The following TEX55 variants were observed in gnomAD, a reference collection of about 807,000 sequenced individuals.
The protein encoded by TEX55 is testis-specific expressed protein 55.
In TEX55, 31 loss-of-function variants were observed where a neutral mutation model predicts 44.6. That is an observed-to-expected ratio of 0.69 (90% CI 0.52 to 0.94). TEX55 has a LOEUF of 0.94. Among genes scored for constraint, TEX55 ranks in the 40% least tolerant of loss-of-function variants. The probability of loss-of-function intolerance (pLI) is 0.00; values close to 1 mark genes in which losing one functional copy is unlikely to be tolerated. For synonymous variants in TEX55, 230 were observed against 230.9 expected, an observed-to-expected ratio of 1.00 and a Z score of 0.04; for missense variants, 639 against 638.4, an observed-to-expected ratio of 1.00 and a Z score of -0.01.
rs754196586 is a variant in TEX55, at chr3:119,146,300, C to A, written c.111C>A (p.Asn37Lys). 2 of 1,614,178 alleles carry A rather than the reference C, an allele frequency of 1.2e-6. No homozygotes were observed. Among genetic ancestry groups the A allele is most frequent in the South Asian group, 2.2e-5 (2 of 91,074 alleles). The change falls in exon 1 of 3, where the codon AAC becomes AAA. Residue 37 changes from asparagine to lysine, a missense_variant. By Grantham distance (94) the Asn-to-Lys change is moderately conservative. Coordinates refer to ENST00000295622, the MANE Select transcript of TEX55 (RefSeq NM_152539.3). Reference sequence around the variant, plus strand: ...GCCAGGAAGAAGACGACCAGAAGAACCAGGCCGAAAGGAAGGCAGATAACC... The same window carrying A: ...GCCAGGAAGAAGACGACCAGAAGAAACAGGCCGAAAGGAAGGCAGATAACC... ...TKGQEEDDQK[N>K]QAERKADNHT...
rs1296917288 is a variant in TEX55, at chr3:119,151,405, T to TA, written c.*114dup. On this transcript the variant is annotated 3_prime_UTR_variant, in exon 3 of 3. Transcript: ENST00000295622. ...ACTCTGAATTCTTATGAAGTAAACA[T>TA]ACCTGTAACTACCATTCAAGTTTTT... The TA allele has an allele frequency of 3.8e-5, 28 of 740,658 alleles. No homozygotes were observed. Among genetic ancestry groups the TA allele is most frequent in the African/African-American group, 3.5e-4 (19 of 55,046 alleles). 45.9% of individuals were successfully genotyped at this position (740,658 alleles called of 1,614,324 possible).
At chr3:119,147,634 A>G (rs1450274982) in intron 1 of TEX55, 47 bp downstream of exon 1, 2 of 1,516,014 alleles carry the variant, frequency 1.3e-6, no homozygotes, top group African/African-American at 2.8e-5. Context: ...TCAGAGATCT[A>G]GACGGGGCCT....
chr3:119,150,977 T>C (rs2077775950), intron 2 of TEX55, among the ~76,000 whole-genome samples: 1 of 152,194 alleles, frequency 6.6e-6, no homozygotes, highest in African/African-American at 2.4e-5. Flanking sequence ...TGTGCACCTA[T>C]AGTCCTAGCT....
chr3:119,146,709 G>C lies in TEX55; in HGVS notation c.520G>C (p.Gly174Arg), dbSNP rs1342033827. 6.2e-7 allele frequency: 1 copy of C among 1,614,114 alleles called. No individual in the cohort carries two copies. Among genetic ancestry groups the C allele is most frequent in the African/African-American group, 1.3e-5 (1 of 74,944 alleles). ...GRLAMPSDQR[G>R]SRQTDHRMAG... is the part of the protein sequence containing the mutation. ...ACTGGCTATGCCATCTGACCAGAGAGGTTCCAGACAGACCGACCACAGAAT... is the reference window on the plus strand; with the variant it reads ...ACTGGCTATGCCATCTGACCAGAGACGTTCCAGACAGACCGACCACAGAAT... Residue 174 changes from glycine to arginine, a missense_variant, in exon 1 of 3, where the codon GGT (glycine) becomes CGT (arginine). Physicochemically the swap from Gly to Arg is moderately radical, Grantham distance 125. Coordinates refer to ENST00000295622, the MANE Select transcript of TEX55 (RefSeq NM_152539.3).
At position 119,147,424 on chromosome 3, in the gene TEX55, C is replaced by T. The variant is rs746924394; in HGVS notation, c.1235C>T (p.Thr412Ile). ...TCCAAGCCTTCAGTTGAAATGGAAA[C>T]TCAGAATGCAACCACTATCCCACCC... ...LNSKPSVEME[T>I]QNATTIPPYN... The change falls in exon 1 of 3, where the codon ACT (threonine) becomes ATT (isoleucine). Residue 412 changes from threonine (T) to isoleucine (I), a missense_variant. By Grantham distance (89) the Thr-to-Ile change is moderately conservative. Transcript: ENST00000295622. 7 of 1,614,034 alleles carry T rather than the reference C, an allele frequency of 4.3e-6. No homozygotes were observed. The highest frequency in any genetic ancestry group is 4.0e-5 in the African/African-American group (3 of 74,900).
chr3:119,148,177 C>A lies in TEX55; in HGVS notation c.1399-3C>A. 1 of 1,601,494 alleles carries A rather than the reference C, an allele frequency of 6.2e-7. No individual in the cohort carries two copies. Among genetic ancestry groups the A allele is most frequent in the South Asian group, 1.1e-5 (1 of 87,282 alleles). Reference sequence around the variant, plus strand: ...CTTTTTGGTGGGGGGATTTAAATTTCAGGATGAATTTTCAGAAATTGACCA... The same window carrying A: ...CTTTTTGGTGGGGGGATTTAAATTTAAGGATGAATTTTCAGAAATTGACCA... On this transcript the variant is annotated splice_polypyrimidine_tract_variant and splice_region_variant and intron_variant, in intron 1 of 2. Coordinates refer to ENST00000295622, the MANE Select transcript of TEX55 (RefSeq NM_152539.3).
In TEX55 at chr3:119,146,775, C is replaced by T. The variant is rs765990716; in HGVS notation, c.586C>T (p.Arg196Cys). 27 of 1,613,860 alleles carry T rather than the reference C, an allele frequency of 1.7e-5. No individual in the cohort carries two copies. The highest frequency in any genetic ancestry group is 1.3e-4 in the Admixed American group (8 of 60,002). The change falls in exon 1 of 3, where the codon CGC (arginine) becomes TGC (cysteine). Residue 196 changes from arginine to cysteine, a missense_variant. Transcript: ENST00000295622. ...GAGAAGAGCTTCCGAGCAGATGGAC[C>T]GCAGAATGTCTGGCGAGGCTGAGCG... ...SERRASEQMD[R>C]RMSGEAERRT...
At chr3:119,147,879 T>G (rs1457709270) in intron 1 of TEX55, among the ~76,000 whole-genome samples, 1 of 152,200 alleles carries the variant, frequency 6.6e-6, no homozygotes, top group Non-Finnish European at 1.5e-5. Context: ...CTCTGTGATA[T>G]TAAGTCATTT....
In TEX55 at chr3:119,148,002, G is replaced by A. The variant is rs564309545; in HGVS notation, c.1399-178G>A. 3.9e-5 allele frequency among the ~76,000 whole-genome samples: 6 copies of A among 152,244 alleles called. No individual in the cohort carries two copies. The South Asian group carries it at 1.2e-3, about 32-fold the overall frequency. On this transcript the variant is annotated intron_variant, in intron 1 of 2. Transcript: ENST00000295622. ...ATGCCTAAGGTACCTCCCAGGACAT[G>A]AGGTGCATTATATTGCACCTGGAGA...
chr3:119,149,516 G>C (rs574175366), intron 2 of TEX55, among the ~76,000 whole-genome samples: 26 of 152,254 alleles, frequency 1.7e-4, no homozygotes, highest in Admixed American at 5.9e-4. Flanking sequence ...TAAATAGGTA[G>C]ACAGAGTACA....
Position 119,151,366 on chromosome 3 carries a change from A to C in TEX55, c.*74A>C, listed in dbSNP as rs571889516. On this transcript the variant is annotated 3_prime_UTR_variant, in exon 3 of 3. Transcript: ENST00000295622. ...GCACACATACAGCAAAGTGTATAGA[A>C]CAAAGTACGTACAACTCTGAATTCT... 8.0e-7 allele frequency: 1 copy of C among 1,254,764 alleles called. No individual in the cohort carries two copies. The highest frequency in any genetic ancestry group is 1.5e-5 in the African/African-American group (1 of 66,306). The allele number at this position is 1,254,764 out of a possible 1,614,324, so 77.7% of individuals were successfully genotyped here.
At chr3:119,150,015 G>A (rs1213713990) in intron 2 of TEX55, among the ~76,000 whole-genome samples, 1 of 152,142 alleles carries the variant, frequency 6.6e-6, no homozygotes, top group Non-Finnish European at 1.5e-5. Context: ...ATGGAGGAAA[G>A]AGCACAGATT....
chr3:119,147,052 AG>A lies in TEX55; in HGVS notation c.864del (p.Glu288AspfsTer17), dbSNP rs754690547. The A allele has an allele frequency of 1.2e-6, 2 of 1,614,128 alleles. No individual in the cohort carries two copies. Among genetic ancestry groups the A allele is most frequent in the Non-Finnish European group, 1.7e-6 (2 of 1,180,046 alleles). On this transcript the variant is annotated frameshift_variant, in exon 1 of 3. Coordinates refer to ENST00000295622, the MANE Select transcript of TEX55 (RefSeq NM_152539.3). LOFTEE classifies it high-confidence loss of function. ...LAGLADPGTS[E>X]QTDLRLYGLV... ...GGCCTGGCTGACCCAGGAACTTCTGAGCAGACTGACCTCAGATTGTATGGCC... is the reference window on the plus strand; with the variant it reads ...GGCCTGGCTGACCCAGGAACTTCTGACAGACTGACCTCAGATTGTATGGCC...
chr3:119,150,281 C>A (rs1190535887), intron 2 of TEX55, among the ~76,000 whole-genome samples: 1 of 152,086 alleles, frequency 6.6e-6, no homozygotes, highest in Non-Finnish European at 1.5e-5. Context: ...CCTGTTGAGA[C>A]TTCCATTGAG....
In TEX55 at chr3:119,146,828, A is replaced by G; in HGVS notation, c.639A>G (p.Arg213=). 1.2e-6 allele frequency: 2 copies of G among 1,614,218 alleles called. No homozygotes were observed. Among genetic ancestry groups the G allele is most frequent in the Non-Finnish European group, 1.7e-6 (2 of 1,180,034 alleles). Residue 213 remains arginine (R), a synonymous_variant, in exon 1 of 3, where the codon AGA becomes AGG. Coordinates refer to ENST00000295622, the MANE Select transcript of TEX55 (RefSeq NM_152539.3). The part of the protein sequence containing the change: ...ERRTSEQITH[R]LSKLSERRPS... ...GAACTTCTGAGCAGATTACACACAG[A>G]TTATCCAAACTATCTGAGAGAAGAC... is the stretch of plus-strand genomic sequence containing the variant.
At chr3:119,149,131 T>G (rs1039464186) in intron 2 of TEX55, among the ~76,000 whole-genome samples, 2 of 151,994 alleles carry the variant, frequency 1.3e-5, no homozygotes, top group Non-Finnish European at 2.9e-5. Flanking sequence ...GTAGCTTTTT[T>G]ACTTTATAAA....
Position 119,146,357 on chromosome 3 carries a change from C to T in TEX55, c.168C>T (p.Ala56=). Residue 56 remains alanine, a synonymous_variant, in exon 1 of 3, where the codon GCC becomes GCT. Coordinates refer to ENST00000295622, the MANE Select transcript of TEX55 (RefSeq NM_152539.3). ...HTAHRIADQT[A]LRVPSQAESS... ...CTCACAGAATAGCTGACCAGACTGC[C>T]CTAAGAGTGCCTAGCCAGGCTGAAT... is the stretch of plus-strand genomic sequence containing the variant. The T allele has an allele frequency of 6.2e-7, 1 of 1,614,154 alleles. No individual in the cohort carries two copies. The highest frequency in any genetic ancestry group is 1.1e-5 in the South Asian group (1 of 91,060).
intron 2 of TEX55, 46 bp from the exon 3 acceptor site, chr3:119,151,178 A>AC (rs11373158): frequency 0.46 from 571,668 of 1,229,590 alleles, 133,910 homozygotes; most frequent in East Asian, 0.53. Flanking sequence ...TGACCACATA[A>AC]TTTTGCTCAG....
Position 119,146,225 on chromosome 3 carries a change from C to T in TEX55, c.36C>T (p.Pro12=). The T allele has an allele frequency of 6.2e-7, 1 of 1,613,468 alleles. No individual in the cohort carries two copies. Among genetic ancestry groups the T allele is most frequent in the Non-Finnish European group, 8.5e-7 (1 of 1,179,778 alleles). The part of the protein sequence containing the change: ...EEPPQEALAE[P]LKHESPAAPS... Reference sequence around the variant, plus strand: ...CTCCGCAAGAGGCTCTGGCTGAACCCTTGAAACATGAAAGCCCAGCCGCTC... The same window carrying T: ...CTCCGCAAGAGGCTCTGGCTGAACCTTTGAAACATGAAAGCCCAGCCGCTC... The change falls in exon 1 of 3, where the codon CCC becomes CCT. Residue 12 remains proline, a synonymous_variant. Coordinates refer to ENST00000295622, the MANE Select transcript of TEX55 (RefSeq NM_152539.3).
Sources: gnomAD v4.1 joint callset for allele counts (sites outside exome capture counted in the v4.1 genomes callset) on GRCh38, gnomAD v4.1.1 for gene constraint, MANE v1.5 for transcripts, NCBI Gene and HGNC (gene_info 2026-07-23, HGNC 2026-07-21) for gene names.